The following FILIP1L variants were observed in gnomAD, a reference collection of about 807,000 sequenced individuals.
The protein encoded by FILIP1L is filamin A interacting protein 1 like, also known as filamin A-interacting protein 1-like.
A neutral mutation model predicts 96.6 loss-of-function variants in FILIP1L; 55 were observed. The observed-to-expected ratio is 0.57, with a 90% CI of 0.46 to 0.71. The LOEUF is 0.71. Ranked by LOEUF, FILIP1L falls within the 30% of genes least tolerant of loss-of-function variation. The pLI, the probability that FILIP1L is intolerant of heterozygous loss-of-function variation, is 0.00. For missense variants in FILIP1L, 1,304 were observed against 1,321.2 expected, an observed-to-expected ratio of 0.99 and a Z score of 0.20; for synonymous variants, 467 against 473.9, an observed-to-expected ratio of 0.99 and a Z score of 0.19.
At chr3:99,942,570 G>A (rs377618010) in intron 1 of FILIP1L, among the ~76,000 whole-genome samples, 1 of 152,204 alleles carries the variant, frequency 6.6e-6, no homozygotes, top group African/African-American at 2.4e-5. Flanking sequence ...CGTGGCTCAC[G>A]CCTGTAATCC....
At chr3:100,080,079 T>G (rs1327592560) in intron 1 of FILIP1L, among the ~76,000 whole-genome samples, 1 of 152,128 alleles carries the variant, frequency 6.6e-6, no homozygotes, top group Non-Finnish European at 1.5e-5. Context: ...TGCACCCTCT[T>G]TTAACTTTTA....
intron 1 of FILIP1L, among the ~76,000 whole-genome samples, chr3:100,015,559 C>T (rs1710317432): frequency 6.6e-6 from 1 of 152,194 alleles, no homozygotes; most frequent in Non-Finnish European, 1.5e-5. Context: ...ATTTTTTACA[C>T]ATTCTTGGTT....
At chr3:100,007,011 ATTAC>A (rs1710007852) in intron 1 of FILIP1L, among the ~76,000 whole-genome samples, 2 of 152,188 alleles carry the variant, frequency 1.3e-5, no homozygotes, top group Admixed American at 6.5e-5. Context: ...TAAATCTTTC[ATTAC>A]TTACTGGCTT....
At chr3:99,953,263 T>C (rs1343771900) in intron 1 of FILIP1L, among the ~76,000 whole-genome samples, 1 of 152,194 alleles carries the variant, frequency 6.6e-6, no homozygotes, top group Non-Finnish European at 1.5e-5. Context: ...ATCGTTTCTT[T>C]GTTCCTCTGA....
At chr3:99,861,576 C>T (rs777182081) in intron 4 of FILIP1L, among the ~76,000 whole-genome samples, 19 of 152,134 alleles carry the variant, frequency 1.2e-4, no homozygotes, top group African/African-American at 2.9e-4. Context: ...CTGTGATCTG[C>T]GTTCTTCTGT....
rs1369902264 is a variant in FILIP1L, at chr3:99,929,989, A to AT, written c.292dup (p.Met98AsnfsTer40). The AT allele has an allele frequency of 6.2e-7, 1 of 1,613,660 alleles. No homozygotes were observed. The highest frequency in any genetic ancestry group is 8.5e-7 in the Non-Finnish European group (1 of 1,179,862). ...CTGAGCTTCCAGCAAAGCCAGGTCC[A>AT]TTTTTTCAGCCTTTAAAATGCCTAT... On this transcript the variant is annotated frameshift_variant, in exon 3 of 6. Coordinates refer to ENST00000477258, the MANE Select transcript of FILIP1L (RefSeq NM_001387850.1). LOFTEE classifies it high-confidence loss of function.
intron 1 of FILIP1L, among the ~76,000 whole-genome samples, chr3:100,010,778 A>T (rs1348342302): frequency 2.2e-4 from 21 of 93,656 alleles, no homozygotes; most frequent in African/African-American, 2.2e-4. Flanking sequence ...CCACGCCCGG[A>T]TTTTTTTTTT....
At chr3:100,074,024 C>T (rs1015359112) in intron 1 of FILIP1L, among the ~76,000 whole-genome samples, 2 of 152,136 alleles carry the variant, frequency 1.3e-5, no homozygotes, top group African/African-American at 4.8e-5. Flanking sequence ...AAAAGCAAGT[C>T]GTCTTCTACT....
intron 1 of FILIP1L, among the ~76,000 whole-genome samples, chr3:99,966,575 G>A (rs1708659272): frequency 6.6e-6 from 1 of 152,032 alleles, no homozygotes; most frequent in African/African-American, 2.4e-5. Context: ...TCAACAAGTA[G>A]GACAACTATT....
intron 5 of FILIP1L, among the ~76,000 whole-genome samples, chr3:99,845,040 T>C (rs1943300215): frequency 6.6e-6 from 1 of 152,204 alleles, no homozygotes; most frequent in Non-Finnish European, 1.5e-5. Flanking sequence ...ACTGGTGTCA[T>C]GAAGACCCCA....
At chr3:100,085,799 T>C (rs551170652) in intron 1 of FILIP1L, among the ~76,000 whole-genome samples, 7 of 152,208 alleles carry the variant, frequency 4.6e-5, no homozygotes, top group Non-Finnish European at 8.8e-5. Context: ...AGAAGTTACA[T>C]ATGTCTTTTA....
At chr3:100,103,181 G>A (rs1026565629) in intron 1 of FILIP1L, among the ~76,000 whole-genome samples, 1 of 152,170 alleles carries the variant, frequency 6.6e-6, no homozygotes, top group African/African-American at 2.4e-5. Flanking sequence ...GTGATTTGAA[G>A]TCTCCCCACA....
chr3:99,888,991 GTT>G (rs1706000014), intron 4 of FILIP1L, among the ~76,000 whole-genome samples: 1 of 152,090 alleles, frequency 6.6e-6, no homozygotes, highest in Non-Finnish European at 1.5e-5. Context: ...TGATCAGTAT[GTT>G]ATCTATCCTT....
intron 4 of FILIP1L, among the ~76,000 whole-genome samples, chr3:99,890,725 G>A (rs1000054268): frequency 3.2e-4 from 48 of 150,288 alleles, no homozygotes; most frequent in African/African-American, 1.0e-3. Flanking sequence ...ATACCAATCC[G>A]CTGTTTTTTT....
intron 1 of FILIP1L, among the ~76,000 whole-genome samples, chr3:99,966,222 CA>C (rs1282832552): frequency 6.6e-6 from 1 of 152,122 alleles, no homozygotes; most frequent in Admixed American, 6.5e-5. Flanking sequence ...GGAACCTAAG[CA>C]GGCTGCAGAG....
intron 5 of FILIP1L, among the ~76,000 whole-genome samples, chr3:99,844,808 T>C (rs1303774974): frequency 6.6e-6 from 1 of 152,184 alleles, no homozygotes; most frequent in Non-Finnish European, 1.5e-5. Flanking sequence ...GGAGTTCTCA[T>C]GAGACCTGAT....
intron 1 of FILIP1L, among the ~76,000 whole-genome samples, chr3:99,979,600 GT>G (rs1424420835): frequency 1.3e-5 from 2 of 152,076 alleles, no homozygotes; most frequent in African/African-American, 2.4e-5. Flanking sequence ...CTAGAAAATG[GT>G]TTTTTAAAGA....
intron 1 of FILIP1L, among the ~76,000 whole-genome samples, chr3:99,976,868 T>C (rs1337733229): frequency 6.6e-6 from 1 of 152,166 alleles, no homozygotes; most frequent in Non-Finnish European, 1.5e-5. Flanking sequence ...AGTTATTTTC[T>C]CTGGCTTCCT....
intron 1 of FILIP1L, among the ~76,000 whole-genome samples, chr3:99,963,434 A>G (rs1232949489): frequency 6.6e-6 from 1 of 152,212 alleles, no homozygotes; most frequent in East Asian, 1.9e-4. Context: ...GATATAGCAC[A>G]GAAGTAAGGG....
Sources: allele counts gnomAD v4.1 joint callset (sites outside exome capture counted in the v4.1 genomes callset), GRCh38; gene constraint gnomAD v4.1.1; transcripts MANE v1.5; gene names NCBI Gene and HGNC (gene_info 2026-07-23, HGNC 2026-07-21).